Variants in PTPRM observed in about 807,000 individuals in gnomAD.
PTPRM encodes the protein receptor-type tyrosine-protein phosphatase mu.
PTPRM carries 47 observed loss-of-function variants against 186.7 expected under a neutral mutation model. The observed-to-expected ratio is 0.25, with a 90% CI of 0.20 to 0.32. The LOEUF is 0.32. Among genes scored for constraint, PTPRM ranks in the 10% least tolerant of loss-of-function variants. The pLI is 1.00. For synonymous variants in PTPRM, 668 were observed against 674.9 expected (o/e 0.99, Z 0.16); for missense variants, 1,494 against 1,865.0 (o/e 0.80, Z 3.66).
rs375898443 is a variant in PTPRM at position 8,326,318 on chromosome 18, A to G, written c.2956+7104A>G. Among the ~76,000 whole-genome samples the G allele has an allele frequency of 1.8e-4, 28 of 152,350 alleles. No homozygotes were observed. In the East Asian group the frequency reaches 2.1e-3, roughly 12 times the overall value. ...AACAGTGAAAAAATATTCCATGCTC[A>G]TGGATAGGAAGAAGCAATATTGTTT... On this transcript the variant is annotated intron_variant, in intron 22 of 32. Transcript: ENST00000580170.
At chr18:7,612,771 G>A (rs1318075610) in intron 1 of PTPRM, among the ~76,000 whole-genome samples, 2 of 152,108 alleles carry the variant, frequency 1.3e-5, no homozygotes, top group Non-Finnish European at 2.9e-5. Context: ...TTGGCTTCAG[G>A]GAAGGTGTAA....
rs536526446 is a variant in PTPRM, at chr18:7,657,631, G to A, written c.73+89740G>A. ...CAAATTACACAGTGATTTTGCATGA[G>A]CTGAGCCATGAAAGGGGCATACGAT... is the stretch of plus-strand genomic sequence containing the variant. On this transcript the variant is annotated intron_variant, in intron 1 of 32. Coordinates refer to ENST00000580170, the MANE Select transcript of PTPRM (RefSeq NM_001105244.2). 2.6e-4 allele frequency among the ~76,000 whole-genome samples: 39 copies of A among 152,306 alleles called. No homozygotes were observed. In the South Asian group the frequency reaches 8.1e-3, roughly 32 times the overall value.
At chr18:7,751,393 C>G (rs976228167) in intron 1 of PTPRM, 1 of 152,212 alleles carries the variant, frequency 6.6e-6, no homozygotes, top group African/African-American at 2.4e-5. Context: ...TTGCTTGGAT[C>G]TTCAATTCCC....
At chr18:7,661,092 G>A (rs1412372743) in intron 1 of PTPRM, among the ~76,000 whole-genome samples, 1 of 152,204 alleles carries the variant, frequency 6.6e-6, no homozygotes, top group African/African-American at 2.4e-5. Flanking sequence ...TTGAAGAACA[G>A]GACTATCTTT....
At chr18:7,585,191 T>C (rs1347996364) in intron 1 of PTPRM, among the ~76,000 whole-genome samples, 1 of 152,236 alleles carries the variant, frequency 6.6e-6, no homozygotes, top group Non-Finnish European at 1.5e-5. Context: ...ATGAGGCCTT[T>C]AGGCACTATT....
chr18:7,824,743 T>G (rs770378782), intron 2 of PTPRM, among the ~76,000 whole-genome samples: 1 of 152,158 alleles, frequency 6.6e-6, no homozygotes, highest in Non-Finnish European at 1.5e-5. Context: ...GGTTTTCTTC[T>G]GGGATGTGGT....
intron 1 of PTPRM, among the ~76,000 whole-genome samples, chr18:7,691,014 A>G (rs2039720224): frequency 6.6e-6 from 1 of 152,124 alleles, no homozygotes; most frequent in Non-Finnish European, 1.5e-5. Flanking sequence ...ACAGAAAAAT[A>G]TTTACCTTTT....
intron 4 of PTPRM, among the ~76,000 whole-genome samples, chr18:7,911,846 ATTTTTTTTT>A (rs57590269): frequency 6.2e-5 from 5 of 80,682 alleles, no homozygotes; most frequent in Middle Eastern, 0.016. Flanking sequence ...TATGGTTTCA[ATTTTTTTTT>A]TTTTTTTTTT....
At chr18:7,824,487 C>G (rs374154047) in intron 2 of PTPRM, among the ~76,000 whole-genome samples, 11 of 152,272 alleles carry the variant, frequency 7.2e-5, no homozygotes, top group South Asian at 4.1e-4. Context: ...AAGAAGAGAT[C>G]TTTTAGCATT....
At chr18:8,189,822 C>A (rs113083416) in intron 14 of PTPRM, among the ~76,000 whole-genome samples, 4 of 152,118 alleles carry the variant, frequency 2.6e-5, no homozygotes, top group Non-Finnish European at 5.9e-5. Context: ...AGATAGTGTT[C>A]GTCAGTTTAT....
intron 1 of PTPRM, among the ~76,000 whole-genome samples, chr18:7,594,096 A>C (rs1281470788): frequency 6.6e-6 from 1 of 152,226 alleles, no homozygotes; most frequent in African/African-American, 2.4e-5. Context: ...GTTGATGTTA[A>C]GGAAGCAGTA....
intron 14 of PTPRM, among the ~76,000 whole-genome samples, chr18:8,203,066 T>G (rs2146862868): frequency 6.6e-6 from 1 of 152,356 alleles, no homozygotes; most frequent in East Asian, 1.9e-4. Flanking sequence ...CGAATCAAAC[T>G]GAATTATATT....
At chr18:7,597,479 AT>A (rs1341837291) in intron 1 of PTPRM, among the ~76,000 whole-genome samples, 1 of 152,164 alleles carries the variant, frequency 6.6e-6, no homozygotes, top group Non-Finnish European at 1.5e-5. Flanking sequence ...TCTCTTTGGC[AT>A]GGGAATTTAA....
chr18:7,896,165 C>A (rs1163012964), intron 3 of PTPRM, among the ~76,000 whole-genome samples: 1 of 152,186 alleles, frequency 6.6e-6, no homozygotes, highest in East Asian at 1.9e-4. Flanking sequence ...AGGGCAGGTA[C>A]CTGCCATCCT....
At chr18:8,356,327 CAGAAG>C (rs750375273) in intron 23 of PTPRM, among the ~76,000 whole-genome samples, 7 of 152,140 alleles carry the variant, frequency 4.6e-5, no homozygotes, top group African/African-American at 1.2e-4. Context: ...GGAAAAGAAT[CAGAAG>C]AGAGGGAGAG....
chr18:7,691,812 G>A (rs947586780), intron 1 of PTPRM, among the ~76,000 whole-genome samples: 6 of 152,128 alleles, frequency 3.9e-5, no homozygotes, highest in African/African-American at 1.2e-4. Context: ...GCACATGCTC[G>A]TAGTCCAAGC....
chr18:8,105,664 C>T (rs1014238856), intron 11 of PTPRM, among the ~76,000 whole-genome samples: 5 of 151,992 alleles, frequency 3.3e-5, no homozygotes, highest in Admixed American at 2.6e-4. Flanking sequence ...GATCAGACCT[C>T]CATTCTCATT....
chr18:7,912,894 T>C (rs2050353155), intron 4 of PTPRM, among the ~76,000 whole-genome samples: 1 of 152,136 alleles, frequency 6.6e-6, no homozygotes, highest in African/African-American at 2.4e-5. Flanking sequence ...GGGATATTGA[T>C]AGGGATTGTG....
intron 22 of PTPRM, among the ~76,000 whole-genome samples, chr18:8,336,388 A>G (rs931137752): frequency 2.7e-4 from 41 of 152,092 alleles, no homozygotes; most frequent in African/African-American, 9.7e-4. Flanking sequence ...GTGAGACCCT[A>G]TCTCTACCAA....
Sources: gnomAD v4.1 joint callset for allele counts (sites outside exome capture counted in the v4.1 genomes callset) on GRCh38, gnomAD v4.1.1 for gene constraint, MANE v1.5 for transcripts, NCBI Gene and HGNC (gene_info 2026-07-23, HGNC 2026-07-21) for gene names.